Variants in PYDC2 observed in about 807,000 individuals in gnomAD.
PYDC2 encodes the protein pyrin domain-containing protein 2.
For missense variants in PYDC2, 123 were observed against 112.2 expected, an observed-to-expected ratio of 1.10 and a Z score of -0.43; for synonymous variants, 51 against 44.6, an observed-to-expected ratio of 1.14 and a Z score of -0.57.
Position 191,461,405 on chromosome 3 carries a change from A to G in PYDC2, c.243A>G (p.Gln81=), listed in dbSNP as rs761350205. 3 of 1,614,144 alleles carry G rather than the reference A, an allele frequency of 1.9e-6. No homozygotes were observed. Among genetic ancestry groups the G allele is most frequent in the Non-Finnish European group, 2.5e-6 (3 of 1,180,002 alleles). The change falls in exon 1 of 1, where the codon CAA becomes CAG. Residue 81 remains glutamine (Q), a synonymous_variant. Coordinates refer to ENST00000518817, the MANE Select transcript of PYDC2 (RefSeq NM_001083308.1). The part of the protein sequence containing the change: ...AAIQVFEKMN[Q]THLSGRADEH... ...TCCAGGTCTTTGAAAAGATGAATCA[A>G]ACGCATCTGTCTGGGAGAGCTGATG...
At position 191,461,349 on chromosome 3, in the gene PYDC2, T is replaced by G; in HGVS notation, c.187T>G (p.Ser63Ala). ...KQLVEIFTSH[S>A]CSYWAGMAAI... ...ACTGGTAGAAATCTTCACCAGCCAC[T>G]CCTGCAGCTACTGGGCAGGGATGGC... Residue 63 changes from serine to alanine, a missense_variant, in exon 1 of 1, where the codon TCC (serine) becomes GCC (alanine). Ser to Ala is a moderately conservative substitution (Grantham distance 99). Coordinates refer to ENST00000518817, the MANE Select transcript of PYDC2 (RefSeq NM_001083308.1). The G allele has an allele frequency of 1.9e-6, 3 of 1,614,106 alleles. No homozygotes were observed. Among genetic ancestry groups the G allele is most frequent in the Non-Finnish European group, 2.5e-6 (3 of 1,179,996 alleles).
rs1248687866 is a variant in PYDC2, at chr3:191,461,449, C to T, written c.287C>T (p.Pro96Leu). ...GRADEHCVMP[P>L]P ...GCTGATGAACACTGTGTGATGCCCC[C>T]ACCTTAACCCCTCAGGGATAGTGAG... The change falls in exon 1 of 1, where the codon CCA (proline) becomes CTA (leucine). Residue 96 changes from proline (P) to leucine (L), a missense_variant. Physicochemically the swap from Pro to Leu is moderately conservative, Grantham distance 98. Coordinates refer to ENST00000518817, the MANE Select transcript of PYDC2 (RefSeq NM_001083308.1). The T allele has an allele frequency of 6.2e-7, 1 of 1,611,234 alleles. No individual in the cohort carries two copies. Among genetic ancestry groups the T allele is most frequent in the African/African-American group, 1.3e-5 (1 of 75,020 alleles).
In PYDC2 at chr3:191,461,373, G is replaced by T; in HGVS notation, c.211G>T (p.Ala71Ser). The T allele has an allele frequency of 1.2e-6, 2 of 1,614,178 alleles. No homozygotes were observed. Among genetic ancestry groups the T allele is most frequent in the Non-Finnish European group, 1.7e-6 (2 of 1,180,020 alleles). Reference sequence around the variant, plus strand: ...CTCCTGCAGCTACTGGGCAGGGATGGCAGCCATCCAGGTCTTTGAAAAGAT... The same window carrying T: ...CTCCTGCAGCTACTGGGCAGGGATGTCAGCCATCCAGGTCTTTGAAAAGAT... ...SHSCSYWAGM[A>S]AIQVFEKMNQ... The change falls in exon 1 of 1, where the codon GCA becomes TCA. Residue 71 changes from alanine (A) to serine (S), a missense_variant. Transcript: ENST00000518817.
In PYDC2 at chr3:191,461,383, A is replaced by G. The variant is rs746363978; in HGVS notation, c.221A>G (p.Gln74Arg). 6.2e-7 allele frequency: 1 copy of G among 1,614,160 alleles called. No individual in the cohort carries two copies. The highest frequency in any genetic ancestry group is 1.1e-5 in the South Asian group (1 of 91,086). ...CSYWAGMAAI[Q>R]VFEKMNQTHL... is the part of the protein sequence containing the mutation. ...TACTGGGCAGGGATGGCAGCCATCCAGGTCTTTGAAAAGATGAATCAAACG... is the reference window on the plus strand; with the variant it reads ...TACTGGGCAGGGATGGCAGCCATCCGGGTCTTTGAAAAGATGAATCAAACG... Residue 74 changes from glutamine to arginine, a missense_variant, in exon 1 of 1, where the codon CAG becomes CGG. By Grantham distance (43) the Gln-to-Arg change is conservative. Coordinates refer to ENST00000518817, the MANE Select transcript of PYDC2 (RefSeq NM_001083308.1).
chr3:191,461,342 CA>C, the PYDC2 span: 1 of 1,614,184 alleles, frequency 6.2e-7, no homozygotes, highest in Non-Finnish European at 8.5e-7. Context: ...AAATCTTCAC[CA>C]GCCACTCCTG....
rs968219955 is a variant in PYDC2 at position 191,461,368 on chromosome 3, G to A, written c.206G>A (p.Gly69Glu). The change falls in exon 1 of 1, where the codon GGG (glycine) becomes GAG (glutamate). Residue 69 changes from glycine (G) to glutamate (E), a missense_variant. Physicochemically the swap from Gly to Glu is moderately conservative, Grantham distance 98. Coordinates refer to ENST00000518817, the MANE Select transcript of PYDC2 (RefSeq NM_001083308.1). ...FTSHSCSYWA[G>E]MAAIQVFEKM... The stretch of plus-strand genomic sequence containing the variant: ...AGCCACTCCTGCAGCTACTGGGCAG[G>A]GATGGCAGCCATCCAGGTCTTTGAA... 1 of 1,614,126 alleles carries A rather than the reference G, an allele frequency of 6.2e-7. No individual in the cohort carries two copies. The highest frequency in any genetic ancestry group is 8.5e-7 in the Non-Finnish European group (1 of 1,180,016).
Position 191,461,296 on chromosome 3 carries a change from C to T in PYDC2, c.134C>T (p.Thr45Ile), listed in dbSNP as rs1242752268. 2 of 1,614,140 alleles carry T rather than the reference C, an allele frequency of 1.2e-6. No homozygotes were observed. Among genetic ancestry groups the T allele is most frequent in the Non-Finnish European group, 1.7e-6 (2 of 1,180,014 alleles). The stretch of plus-strand genomic sequence containing the variant: ...AAGGAGCTACAGACCGTCCCCCAGA[C>T]AGAGGTAGACAAGGCTAATGGGAAG... ...LGKELQTVPQ[T>I]EVDKANGKQL... The change falls in exon 1 of 1, where the codon ACA becomes ATA. Residue 45 changes from threonine to isoleucine, a missense_variant. Physicochemically the swap from Thr to Ile is moderately conservative, Grantham distance 89 (BLOSUM62 -1). Coordinates refer to ENST00000518817, the MANE Select transcript of PYDC2 (RefSeq NM_001083308.1).
the PYDC2 span, chr3:191,461,287 TC>T: frequency 6.2e-7 from 1 of 1,613,848 alleles, no homozygotes; most frequent in East Asian, 2.2e-5. Context: ...CTACAGACCG[TC>T]CCCCAGACAG....
At position 191,461,243 on chromosome 3, in the gene PYDC2, G is replaced by A. The variant is rs1715170698; in HGVS notation, c.81G>A (p.Lys27=). 8 of 1,614,154 alleles carry A rather than the reference G, an allele frequency of 5.0e-6. No individual in the cohort carries two copies. In the East Asian group the frequency reaches 1.8e-4, roughly 36 times the overall value. Residue 27 remains lysine, a synonymous_variant, in exon 1 of 1, where the codon AAG becomes AAA. Transcript: ENST00000518817. ...QLSQDELSKF[K]SLIRTISLGK... ...GCCAGGATGAGTTGAGCAAGTTCAA[G>A]TCTCTGATCAGAACAATCTCCCTGG...
Position 191,461,191 on chromosome 3 carries a change from A to G in PYDC2, c.29A>G (p.Asn10Ser). 13 of 1,614,126 alleles carry G rather than the reference A, an allele frequency of 8.1e-6. No individual in the cohort carries two copies. Among genetic ancestry groups the G allele is most frequent in the Non-Finnish European group, 1.0e-5 (12 of 1,179,984 alleles). The change falls in exon 1 of 1, where the codon AAC (asparagine) becomes AGC (serine). Residue 10 changes from asparagine to serine, a missense_variant. By Grantham distance (46) the Asn-to-Ser change is conservative. Transcript: ENST00000518817. Reference protein sequence around the residue: MASSAELDFNLQALLEQLSQ... With the variant: MASSAELDFSLQALLEQLSQ... ...GCATCTTCTGCAGAGCTGGACTTCA[A>G]CCTGCAGGCTCTTCTGGAGCAGCTC... is the stretch of plus-strand genomic sequence containing the variant.
Position 191,461,425 on chromosome 3 carries a change from C to T in PYDC2, c.263C>T (p.Ala88Val), listed in dbSNP as rs751400056. The change falls in exon 1 of 1, where the codon GCT becomes GTT. Residue 88 changes from alanine to valine, a missense_variant. By Grantham distance (64) the Ala-to-Val change is moderately conservative. Transcript: ENST00000518817. ...AATCAAACGCATCTGTCTGGGAGAG[C>T]TGATGAACACTGTGTGATGCCCCCA... is the stretch of plus-strand genomic sequence containing the variant. The part of the protein sequence containing the change: ...KMNQTHLSGR[A>V]DEHCVMPPP 2 of 1,613,756 alleles carry T rather than the reference C, an allele frequency of 1.2e-6. No homozygotes were observed. The highest frequency in any genetic ancestry group is 4.5e-5 in the East Asian group (2 of 44,896).
At position 191,461,174 on chromosome 3, in the gene PYDC2, T is replaced by A. The variant is rs201291805; in HGVS notation, c.12T>A (p.Ser4=). ...CCACATAGGACAAGATGGCATCTTC[T>A]GCAGAGCTGGACTTCAACCTGCAGG... MAS[S]AELDFNLQAL... Residue 4 remains serine (S), a synonymous_variant, in exon 1 of 1, where the codon TCT becomes TCA. Transcript: ENST00000518817. 1 of 1,613,956 alleles carries A rather than the reference T, an allele frequency of 6.2e-7. No individual in the cohort carries two copies. Among genetic ancestry groups the A allele is most frequent in the Non-Finnish European group, 8.5e-7 (1 of 1,179,896 alleles).
chr3:191,461,355 A>T lies in PYDC2; in HGVS notation c.193A>T (p.Ser65Cys). Residue 65 changes from serine to cysteine, a missense_variant, in exon 1 of 1, where the codon AGC (serine) becomes TGC (cysteine). Coordinates refer to ENST00000518817, the MANE Select transcript of PYDC2 (RefSeq NM_001083308.1). ...LVEIFTSHSC[S>C]YWAGMAAIQV... Reference sequence around the variant, plus strand: ...AGAAATCTTCACCAGCCACTCCTGCAGCTACTGGGCAGGGATGGCAGCCAT... The same window carrying T: ...AGAAATCTTCACCAGCCACTCCTGCTGCTACTGGGCAGGGATGGCAGCCAT... 1 of 1,614,180 alleles carries T rather than the reference A, an allele frequency of 6.2e-7. No individual in the cohort carries two copies. Among genetic ancestry groups the T allele is most frequent in the Non-Finnish European group, 8.5e-7 (1 of 1,180,004 alleles).
Position 191,461,266 on chromosome 3 carries a change from T to C in PYDC2, c.104T>C (p.Leu35Pro). 3 of 1,614,034 alleles carry C rather than the reference T, an allele frequency of 1.9e-6. No individual in the cohort carries two copies. The change falls in exon 1 of 1, where the codon CTG becomes CCG. Residue 35 changes from leucine to proline, a missense_variant. Coordinates refer to ENST00000518817, the MANE Select transcript of PYDC2 (RefSeq NM_001083308.1). Reference sequence around the variant, plus strand: ...AAGTCTCTGATCAGAACAATCTCCCTGGGAAAGGAGCTACAGACCGTCCCC... The same window carrying C: ...AAGTCTCTGATCAGAACAATCTCCCCGGGAAAGGAGCTACAGACCGTCCCC... ...KFKSLIRTIS[L>P]GKELQTVPQT... is the part of the protein sequence containing the mutation.
rs1715173754 is a variant in PYDC2, at chr3:191,461,327, G to T, written c.165G>T (p.Leu55=). Residue 55 remains leucine (L), a synonymous_variant, in exon 1 of 1, where the codon CTG becomes CTT. Coordinates refer to ENST00000518817, the MANE Select transcript of PYDC2 (RefSeq NM_001083308.1). ...TEVDKANGKQ[L]VEIFTSHSCS... ...TAGACAAGGCTAATGGGAAGCAACTGGTAGAAATCTTCACCAGCCACTCCT... is the reference window on the plus strand; with the variant it reads ...TAGACAAGGCTAATGGGAAGCAACTTGTAGAAATCTTCACCAGCCACTCCT... 1 of 1,613,768 alleles carries T rather than the reference G, an allele frequency of 6.2e-7. No individual in the cohort carries two copies. The highest frequency in any genetic ancestry group is 8.5e-7 in the Non-Finnish European group (1 of 1,179,928).
rs371160069 is a variant in PYDC2 at position 191,461,414 on chromosome 3, G to C, written c.252G>C (p.Leu84=). ...QVFEKMNQTH[L]SGRADEHCVM... The stretch of plus-strand genomic sequence containing the variant: ...TTGAAAAGATGAATCAAACGCATCT[G>C]TCTGGGAGAGCTGATGAACACTGTG... Residue 84 remains leucine, a synonymous_variant, in exon 1 of 1, where the codon CTG becomes CTC. Coordinates refer to ENST00000518817, the MANE Select transcript of PYDC2 (RefSeq NM_001083308.1). 22 of 1,614,048 alleles carry C rather than the reference G, an allele frequency of 1.4e-5. No individual in the cohort carries two copies. The highest frequency in any genetic ancestry group is 1.3e-5 in the African/African-American group (1 of 74,938).
Position 191,461,314 on chromosome 3 carries a change from A to T in PYDC2, c.152A>T (p.Asn51Ile). The change falls in exon 1 of 1, where the codon AAT becomes ATT. Residue 51 changes from asparagine (N) to isoleucine (I), a missense_variant. Physicochemically the swap from Asn to Ile is moderately radical, Grantham distance 149 (BLOSUM62 -3). Transcript: ENST00000518817. The part of the protein sequence containing the change: ...TVPQTEVDKA[N>I]GKQLVEIFTS... ...CCCCAGACAGAGGTAGACAAGGCTA[A>T]TGGGAAGCAACTGGTAGAAATCTTC... The T allele has an allele frequency of 6.2e-7, 1 of 1,613,892 alleles. No homozygotes were observed. The highest frequency in any genetic ancestry group is 8.5e-7 in the Non-Finnish European group (1 of 1,179,924).
rs766919357 is a variant in PYDC2, at chr3:191,461,202, C to T, written c.40C>T (p.Leu14Phe). The change falls in exon 1 of 1, where the codon CTT becomes TTT. Residue 14 changes from leucine (L) to phenylalanine (F), a missense_variant. Leu to Phe is a conservative substitution (Grantham distance 22). Coordinates refer to ENST00000518817, the MANE Select transcript of PYDC2 (RefSeq NM_001083308.1). ...AGAGCTGGACTTCAACCTGCAGGCTCTTCTGGAGCAGCTCAGCCAGGATGA... is the reference window on the plus strand; with the variant it reads ...AGAGCTGGACTTCAACCTGCAGGCTTTTCTGGAGCAGCTCAGCCAGGATGA... The part of the protein sequence containing the change: ...SAELDFNLQA[L>F]LEQLSQDELS... The T allele has an allele frequency of 6.2e-7, 1 of 1,614,020 alleles. No individual in the cohort carries two copies. Among genetic ancestry groups the T allele is most frequent in the South Asian group, 1.1e-5 (1 of 91,090 alleles).
Position 191,461,365 on chromosome 3 carries a change from C to T in PYDC2, c.203C>T (p.Ala68Val), listed in dbSNP as rs1715176240. The change falls in exon 1 of 1, where the codon GCA becomes GTA. Residue 68 changes from alanine to valine, a missense_variant. Transcript: ENST00000518817. ...ACCAGCCACTCCTGCAGCTACTGGG[C>T]AGGGATGGCAGCCATCCAGGTCTTT... Reference protein sequence around the residue: ...IFTSHSCSYWAGMAAIQVFEK... With the variant: ...IFTSHSCSYWVGMAAIQVFEK... 1 of 1,614,142 alleles carries T rather than the reference C, an allele frequency of 6.2e-7. No homozygotes were observed. The highest frequency in any genetic ancestry group is 1.7e-5 in the Admixed American group (1 of 60,022).
Sources: gnomAD v4.1 joint callset for allele counts on GRCh38, gnomAD v4.1.1 for gene constraint, MANE v1.5 for transcripts, NCBI Gene and HGNC (gene_info 2026-07-23, HGNC 2026-07-21) for gene names.